DZANK1: variants seen among roughly 807,000 people sequenced by gnomAD.
DZANK1 encodes double zinc ribbon and ankyrin repeat domains 1, also known as double zinc ribbon and ankyrin repeat-containing protein 1.
DZANK1 carries 91 observed loss-of-function variants against 94.5 expected under a neutral mutation model. The ratio of observed to expected loss-of-function variants is 0.96; its 90% CI spans 0.81 to 1.15. The LOEUF is 1.15. Ranked by LOEUF, DZANK1 falls within the 50% of genes most tolerant of loss-of-function variation. The pLI is 0.00. For missense variants in DZANK1, 903 were observed against 916.4 expected, an observed-to-expected ratio of 0.99 and a Z score of 0.19; for synonymous variants, 312 against 325.3, an observed-to-expected ratio of 0.96 and a Z score of 0.44.
intron 7 of DZANK1, among the ~76,000 whole-genome samples, chr20:18,445,954 G>A (rs971277024): frequency 7.9e-5 from 12 of 151,938 alleles, no homozygotes; most frequent in Non-Finnish European, 1.2e-4. Flanking sequence ...TAGCAGAGAC[G>A]GGGTTTTGCC....
chr20:18,410,366 C>T (rs1256298298), intron 13 of DZANK1, among the ~76,000 whole-genome samples: 1 of 151,948 alleles, frequency 6.6e-6, no homozygotes, highest in Non-Finnish European at 1.5e-5. Flanking sequence ...GAAGTATAGT[C>T]TGTTAAGATG....
intron 9 of DZANK1, among the ~76,000 whole-genome samples, chr20:18,431,886 T>C (rs986958813): frequency 3.9e-5 from 6 of 152,334 alleles, no homozygotes; most frequent in African/African-American, 1.4e-4. Context: ...GAATTCATTA[T>C]TGATTTCCTC....
At chr20:18,437,317 A>G (rs1223530202) in intron 8 of DZANK1, among the ~76,000 whole-genome samples, 1 of 152,154 alleles carries the variant, frequency 6.6e-6, no homozygotes, top group Non-Finnish European at 1.5e-5. Flanking sequence ...GATGGCTCAC[A>G]CTTGTAATTC....
intron 6 of DZANK1, among the ~76,000 whole-genome samples, chr20:18,451,118 G>A (rs2059085193): frequency 6.6e-6 from 1 of 152,040 alleles, no homozygotes; most frequent in African/African-American, 2.4e-5. Flanking sequence ...GCTAATTTTT[G>A]TATTTTCAGT....
At chr20:18,452,626 G>A (rs755769768) in exon 6 of DZANK1, 16 of 1,593,896 alleles carry the variant, frequency 1.0e-5, no homozygotes, top group South Asian at 1.1e-5. Flanking sequence ...TGGGACTGGC[G>A]GGTGGGTGGT....
At chr20:18,442,995 A>G (rs933486235) in intron 8 of DZANK1, among the ~76,000 whole-genome samples, 2 of 152,266 alleles carry the variant, frequency 1.3e-5, no homozygotes, top group South Asian at 4.1e-4. Flanking sequence ...AGAGACATAA[A>G]GTAATTGGTA....
At chr20:18,458,764 C>T (rs2059373880) in intron 3 of DZANK1, among the ~76,000 whole-genome samples, 1 of 152,168 alleles carries the variant, frequency 6.6e-6, no homozygotes, top group Non-Finnish European at 1.5e-5. Flanking sequence ...ACACTTACAA[C>T]CCCACATGAG....
intron 15 of DZANK1, chr20:18,394,646 G>A (rs200066756): frequency 1.7e-6 from 1 of 589,434 alleles, no homozygotes. Flanking sequence ...GGGTCTGCCA[G>A]CCTCCCTGCA....
intron 5 of DZANK1, among the ~76,000 whole-genome samples, 166 bp from the exon 6 acceptor site, chr20:18,452,905 TA>T (rs1284177183): frequency 6.6e-6 from 1 of 152,118 alleles, no homozygotes; most frequent in Non-Finnish European, 1.5e-5. Flanking sequence ...CTCAATGCAT[TA>T]GAAGTGAGAA....
chr20:18,406,497 T>C (rs1051935296), intron 13 of DZANK1, among the ~76,000 whole-genome samples: 2 of 152,162 alleles, frequency 1.3e-5, no homozygotes, highest in East Asian at 1.9e-4. Flanking sequence ...CCTAGCGGGA[T>C]TGATCGTCTG....
intron 10 of DZANK1, among the ~76,000 whole-genome samples, chr20:18,417,034 C>CAAAAAAAAAAAAAAAAAAAAAAAAA (rs55889297): frequency 7.1e-6 from 1 of 139,926 alleles, no homozygotes; most frequent in Non-Finnish European, 1.5e-5. Context: ...CAAAAAAAAA[C>CAAAAAAAAAAAAAAAAAAAAAAAAA]AAAAAAAAAA....
At chr20:18,384,379 G>C (rs1951460996) in exon 21 of DZANK1, 1 of 1,595,880 alleles carries the variant, frequency 6.3e-7, no homozygotes, top group Non-Finnish European at 8.5e-7. Context: ...CTTAAATGAA[G>C]TCCCGTGGAG....
At chr20:18,414,509 C>G in exon 12 of DZANK1, 1 of 1,603,658 alleles carries the variant, frequency 6.2e-7, no homozygotes, top group South Asian at 1.1e-5. Flanking sequence ...GCAGGAATGC[C>G]GAGCTAGAGG....
chr20:18,417,692 G>A (rs2057555069), intron 10 of DZANK1, among the ~76,000 whole-genome samples: 1 of 152,056 alleles, frequency 6.6e-6, no homozygotes, highest in Non-Finnish European at 1.5e-5. Flanking sequence ...GTATGTAACA[G>A]AAATCATCTT....
chr20:18,394,492 C>T, intron 15 of DZANK1, 142 bp from the exon 16 acceptor site: 1 of 826,872 alleles, frequency 1.2e-6, no homozygotes, highest in Non-Finnish European at 2.0e-6. Context: ...CCTGGATGTC[C>T]TTCCTGACTC....
chr20:18,433,612 T>C (rs1253526722), intron 9 of DZANK1, 40 bp downstream of exon 9: 2 of 1,570,492 alleles, frequency 1.3e-6, no homozygotes, highest in Non-Finnish European at 8.8e-7. Context: ...AACATTACTA[T>C]GTATTTCATT....
rs2059154707 is a variant in DZANK1, at chr20:18,452,900, T to C, written c.476-218A>G. On this transcript the variant is annotated intron_variant, in intron 5 of 20. Coordinates refer to ENST00000262547, the Ensembl canonical transcript of DZANK1. ...TAAAGAGCTCCCGCCACACACTCAA[T>C]GCATTAGAAGTGAGAAAGAAAAAAC... Among the ~76,000 whole-genome samples, 4 of 152,140 alleles carry C rather than the reference T, an allele frequency of 2.6e-5. No homozygotes were observed. The South Asian group carries it at 8.3e-4, about 31-fold the overall frequency.
chr20:18,397,874 G>A lies in DZANK1; in HGVS notation c.1536+649C>T, dbSNP rs539830352. Reference sequence around the variant, plus strand: ...GGGTGGCTGAGCTCCAAGAAGTGCTGGAGGTGAGTGTGCCAAGCAAGAGAA... The same window carrying A: ...GGGTGGCTGAGCTCCAAGAAGTGCTAGAGGTGAGTGTGCCAAGCAAGAGAA... On this transcript the variant is annotated intron_variant, in intron 14 of 20. Transcript: ENST00000262547. 7.2e-5 allele frequency among the ~76,000 whole-genome samples: 11 copies of A among 152,270 alleles called. No individual in the cohort carries two copies. The South Asian group carries it at 1.5e-3, about 20-fold the overall frequency.
At chr20:18,417,052 G>C (rs1200469861) in intron 10 of DZANK1, among the ~76,000 whole-genome samples, 1 of 144,998 alleles carries the variant, frequency 6.9e-6, no homozygotes, top group African/African-American at 2.5e-5. Flanking sequence ...AAAAAGAAGA[G>C]AAAGAAAAGT....
Sources: gnomAD v4.1 joint callset for allele counts (sites outside exome capture counted in the v4.1 genomes callset) on GRCh38, gnomAD v4.1.1 for gene constraint, MANE v1.5 for transcripts, NCBI Gene and HGNC (gene_info 2026-07-23, HGNC 2026-07-21) for gene names.